SLC2A9: variants seen among roughly 807,000 people sequenced by gnomAD.
The protein encoded by SLC2A9 is solute carrier family 2 member 9.
In SLC2A9, 39 loss-of-function variants were observed where a neutral mutation model predicts 50.6. That is an observed-to-expected ratio of 0.77 (90% CI 0.60 to 1.01). The LOEUF is 1.01. Among genes scored for constraint, SLC2A9 ranks in the 50% least tolerant of loss-of-function variants. The pLI is 0.00. For synonymous variants in SLC2A9, 324 were observed against 276.9 expected, an observed-to-expected ratio of 1.17 and a Z score of -1.69; for missense variants, 686 against 677.6, an observed-to-expected ratio of 1.01 and a Z score of -0.14.
rs1209724146 is a variant in SLC2A9, at chr4:9,895,145, AG to A, written c.1114-4435del. Among the ~76,000 whole-genome samples, 2 of 152,212 alleles carry A rather than the reference AG, an allele frequency of 1.3e-5. 1 individual carries two copies. Among genetic ancestry groups the A allele is most frequent in the East Asian group, 3.8e-4 (2 of 5,202 alleles). ...ATGCTGACGTTCAAATACTTTGGAA[AG>A]GGTGGGGTGAGGGACATGTGGCTTT... On this transcript the variant is annotated intron_variant, in intron 8 of 11. Transcript: ENST00000264784.
intron 1 of SLC2A9, chr4:10,035,028 T>C (rs1322101278): frequency 6.6e-6 from 1 of 152,194 alleles, no homozygotes; most frequent in Non-Finnish European, 1.5e-5. Context: ...GCAAAAACAC[T>C]ACCAATCAAC....
intron 2 of SLC2A9, among the ~76,000 whole-genome samples, chr4:10,002,157 G>C (rs563983763): frequency 3.3e-5 from 5 of 152,234 alleles, no homozygotes; most frequent in African/African-American, 9.6e-5. Context: ...CATAGGACCA[G>C]CTCTGGGAGT....
chr4:10,031,310 A>G (rs1275801936), intron 1 of SLC2A9, among the ~76,000 whole-genome samples: 1 of 152,236 alleles, frequency 6.6e-6, no homozygotes, highest in African/African-American at 2.4e-5. Context: ...TCATTATTCA[A>G]TTGTTTGCAT....
intron 7 of SLC2A9, among the ~76,000 whole-genome samples, chr4:9,913,330 T>TGTGTGTGTGA (rs1491090035): frequency 1.1e-5 from 1 of 88,730 alleles, no homozygotes; most frequent in Admixed American, 1.2e-4. Context: ...TGTGTGTGTG[T>TGTGTGTGTGA]GAGAGAGAGA....
At chr4:10,038,463 C>G (rs1352107593) in intron 1 of SLC2A9, among the ~76,000 whole-genome samples, 1 of 135,772 alleles carries the variant, frequency 7.4e-6, no homozygotes, top group Non-Finnish European at 1.5e-5. Flanking sequence ...GCCGAGATAG[C>G]ACCACTGCAC....
At chr4:9,831,701 T>C (rs2109118729) in intron 11 of SLC2A9, among the ~76,000 whole-genome samples, 1 of 152,288 alleles carries the variant, frequency 6.6e-6, no homozygotes, top group South Asian at 2.1e-4. Context: ...GAGAAAGAGT[T>C]AAGCTGCTGA....
chr4:9,842,323 G>A (rs116316144), intron 10 of SLC2A9, among the ~76,000 whole-genome samples: 181 of 152,286 alleles, frequency 1.2e-3, no homozygotes, highest in Middle Eastern at 3.4e-3. Context: ...CAAAATTAAA[G>A]AGCAGGTGAA....
intron 10 of SLC2A9, among the ~76,000 whole-genome samples, chr4:9,868,759 TG>T (rs1732928483): frequency 6.6e-6 from 1 of 152,318 alleles, no homozygotes; most frequent in African/African-American, 2.4e-5. Context: ...TCAGCAATTT[TG>T]TGACGAATGC....
intron 2 of SLC2A9, 149 bp from the exon 3 acceptor site, chr4:9,997,090 C>T (rs1758811311): frequency 1.2e-6 from 1 of 856,984 alleles, no homozygotes; most frequent in Non-Finnish European, 1.9e-6. Context: ...TTGGCCTCTT[C>T]TAACAAATTT....
At chr4:9,893,854 C>G (rs1296101902) in intron 8 of SLC2A9, among the ~76,000 whole-genome samples, 1 of 152,196 alleles carries the variant, frequency 6.6e-6, no homozygotes, top group African/African-American at 2.4e-5. Flanking sequence ...GTAACTCATA[C>G]TAATTTCAGT....
At position 9,912,179 on chromosome 4, in the gene SLC2A9, T is replaced by C. The variant is rs189353736; in HGVS notation, c.1003-3834A>G. Among the ~76,000 whole-genome samples, 15 of 152,176 alleles carry C rather than the reference T, an allele frequency of 9.9e-5. No individual in the cohort carries two copies. The South Asian group carries it at 2.7e-3, about 27-fold the overall frequency. On this transcript the variant is annotated intron_variant, in intron 7 of 11. Transcript: ENST00000264784. ...CGGGGAGGGAGAGCATTAGGAGATA[T>C]ACCTAATGTTAAATGACAAGTTAAT...
At chr4:9,857,971 T>C (rs1730991831) in intron 10 of SLC2A9, among the ~76,000 whole-genome samples, 1 of 152,232 alleles carries the variant, frequency 6.6e-6, no homozygotes, top group South Asian at 2.1e-4. Context: ...ACAAACTTAT[T>C]GTCCCAGCTT....
upstream of SLC2A9, chr4:10,025,966 TG>T: frequency 6.2e-7 from 1 of 1,614,190 alleles, no homozygotes; most frequent in Non-Finnish European, 8.5e-7. Flanking sequence ...CTGAGCTTCA[TG>T]GTTCACTTTT....
chr4:9,959,615 G>A (rs1751924565), intron 5 of SLC2A9, among the ~76,000 whole-genome samples: 2 of 152,174 alleles, frequency 1.3e-5, no homozygotes, highest in African/African-American at 4.8e-5. Context: ...ACCTCTGTGT[G>A]TCACTATAAG....
chr4:9,839,245 A>G (rs909011901), intron 10 of SLC2A9, among the ~76,000 whole-genome samples: 11 of 152,212 alleles, frequency 7.2e-5, no homozygotes, highest in Non-Finnish European at 1.3e-4. Context: ...GCTCAATATC[A>G]CTGATCATTA....
intron 10 of SLC2A9, among the ~76,000 whole-genome samples, chr4:9,853,124 C>T (rs796640362): frequency 6.2e-5 from 9 of 145,748 alleles, no homozygotes; most frequent in African/African-American, 2.3e-4. Flanking sequence ...TGCAGTGAGC[C>T]GAGATTGTGC....
intron 5 of SLC2A9, among the ~76,000 whole-genome samples, chr4:9,947,664 CA>C (rs1749442440): frequency 2.6e-5 from 4 of 152,124 alleles, no homozygotes; most frequent in Admixed American, 1.3e-4. Context: ...CCCACCAATC[CA>C]AAGTCTATAC....
At chr4:9,866,010 C>T (rs1485914257) in intron 10 of SLC2A9, among the ~76,000 whole-genome samples, 2 of 152,100 alleles carry the variant, frequency 1.3e-5, no homozygotes, top group Non-Finnish European at 2.9e-5. Context: ...GACCCCTCTG[C>T]CTCCAGGTAG....
chr4:9,899,294 G>A (rs912213003), intron 8 of SLC2A9, among the ~76,000 whole-genome samples: 1 of 152,236 alleles, frequency 6.6e-6, no homozygotes, highest in African/African-American at 2.4e-5. Context: ...GCAAAAGGAT[G>A]GGAGAAAGGA....
Sources: gnomAD v4.1 joint callset for allele counts (sites outside exome capture counted in the v4.1 genomes callset) on GRCh38, gnomAD v4.1.1 for gene constraint, MANE v1.5 for transcripts, NCBI Gene and HGNC (gene_info 2026-07-23, HGNC 2026-07-21) for gene names.